Variants in REC114 observed in about 807,000 individuals in gnomAD.
The protein encoded by REC114 is meiotic recombination protein REC114.
In REC114, 27 loss-of-function variants were observed where a neutral mutation model predicts 31.3. That is an observed-to-expected ratio of 0.86 (90% CI 0.64 to 1.19). REC114 has a LOEUF of 1.19. Ranked by LOEUF, REC114 falls within the 50% of genes most tolerant of loss-of-function variation. The pLI is 0.00. For synonymous variants in REC114, 134 were observed against 127.7 expected (o/e 1.05, Z -0.33); for missense variants, 344 against 326.9 (o/e 1.05, Z -0.40).
chr15:73,554,678 C>G (rs1566950778), intron 4 of REC114, among the ~76,000 whole-genome samples: 1 of 152,134 alleles, frequency 6.6e-6, no homozygotes, highest in Admixed American at 6.5e-5. Context: ...CACAAAAAGT[C>G]CAGAAGAAAG....
chr15:73,488,783 C>T (rs1893407432), intron 2 of REC114, among the ~76,000 whole-genome samples: 1 of 152,226 alleles, frequency 6.6e-6, no homozygotes, highest in Non-Finnish European at 1.5e-5. Flanking sequence ...TCTAAGCCCT[C>T]ACCTGAATCA....
At chr15:73,491,465 T>A (rs1893445932) in intron 2 of REC114, among the ~76,000 whole-genome samples, 2 of 152,252 alleles carry the variant, frequency 1.3e-5, no homozygotes, top group South Asian at 4.1e-4. Flanking sequence ...AGAGCTTTTA[T>A]GAACATTTAT....
intron 2 of REC114, among the ~76,000 whole-genome samples, chr15:73,497,281 A>G (rs958544143): frequency 6.6e-6 from 1 of 152,154 alleles, no homozygotes; most frequent in Non-Finnish European, 1.5e-5. Flanking sequence ...CCAGATGGCA[A>G]TTTCCTATTT....
At chr15:73,457,065 C>CTTTTTTTTTTTTTTTTTTTTTTTTTTATT (rs934090597) in intron 1 of REC114, among the ~76,000 whole-genome samples, 1 of 68,014 alleles carries the variant, frequency 1.5e-5, no homozygotes, top group African/African-American at 5.8e-5. Flanking sequence ...TATTTCTGAG[C>CTTTTTTTTTTTTTTTTTTTTTTTTTTATT]TTTTTTTTTT....
chr15:73,469,321 G>A (rs1473789736), intron 1 of REC114, among the ~76,000 whole-genome samples: 2 of 152,088 alleles, frequency 1.3e-5, no homozygotes, highest in African/African-American at 4.8e-5. Context: ...TATCTTTCTT[G>A]ATTAATTGAC....
intron 3 of REC114, among the ~76,000 whole-genome samples, chr15:73,547,534 C>G (rs186982829): frequency 6.6e-6 from 1 of 152,310 alleles, no homozygotes; most frequent in East Asian, 1.9e-4. Context: ...TCCAGCAATA[C>G]TACTGCTGGA....
In REC114 at chr15:73,550,919, C is replaced by T. The variant is rs1326038864; in HGVS notation, c.334-19C>T. ...ATATGATGAGGGTCTCTCATGATAACTTTTGATTTGTCAAACAGGACAAGA... is the reference window on the plus strand; with the variant it reads ...ATATGATGAGGGTCTCTCATGATAATTTTTGATTTGTCAAACAGGACAAGA... On this transcript the variant is annotated intron_variant, in intron 3 of 5. Transcript: ENST00000331090. The T allele has an allele frequency of 8.7e-6, 14 of 1,612,098 alleles. No individual in the cohort carries two copies. The highest frequency in any genetic ancestry group is 1.1e-5 in the Non-Finnish European group (13 of 1,178,454).
chr15:73,501,530 C>T (rs141753872), intron 2 of REC114, among the ~76,000 whole-genome samples: 2,277 of 152,216 alleles, frequency 0.015, 28 homozygotes, highest in Non-Finnish European at 0.022. Context: ...CTGCAGCCTC[C>T]GCCTCCCAGG....
intron 2 of REC114, among the ~76,000 whole-genome samples, chr15:73,539,251 T>TA (rs1894205577): frequency 6.7e-6 from 1 of 148,774 alleles, no homozygotes; most frequent in Non-Finnish European, 1.5e-5. Flanking sequence ...AACCTATTGA[T>TA]AAAATGCTTA....
chr15:73,547,070 C>T (rs547605819), intron 3 of REC114, among the ~76,000 whole-genome samples: 1 of 152,168 alleles, frequency 6.6e-6, no homozygotes, highest in East Asian at 1.9e-4. Flanking sequence ...AAGGGGATCA[C>T]TTTAAGTTAA....
intron 2 of REC114, among the ~76,000 whole-genome samples, chr15:73,514,340 G>C (rs1041741929): frequency 9.2e-5 from 14 of 151,870 alleles, no homozygotes; most frequent in Non-Finnish European, 1.8e-4. Context: ...TGCGCCCACT[G>C]TCTGGCACTC....
chr15:73,443,897 A>G (rs1410438367), intron 1 of REC114, among the ~76,000 whole-genome samples: 2 of 152,208 alleles, frequency 1.3e-5, no homozygotes, highest in African/African-American at 4.8e-5. Context: ...ATAATAGTAC[A>G]GGCCCTCAGA....
chr15:73,499,122 G>A (rs1233636855), intron 2 of REC114, among the ~76,000 whole-genome samples: 1 of 151,982 alleles, frequency 6.6e-6, no homozygotes, highest in Admixed American at 6.6e-5. Context: ...ACAATGGCAA[G>A]CGCATTGGAC....
chr15:73,559,979 TAAAGA>T lies in REC114; in HGVS notation c.*65_*69del. ...ATTGAAAAATGCTTCCTCCTAAAAT[TAAAGA>T]AGATATTAGAATAAAGAGTATTATC... On this transcript the variant is annotated 3_prime_UTR_variant, in exon 6 of 6. Coordinates refer to ENST00000331090, the MANE Select transcript of REC114 (RefSeq NM_001042367.2). The T allele has an allele frequency of 7.1e-7, 1 of 1,403,436 alleles. No individual in the cohort carries two copies. The highest frequency in any genetic ancestry group is 9.6e-7 in the Non-Finnish European group (1 of 1,037,906). The allele number at this position is 1,403,436 out of a possible 1,614,324, so 86.9% of individuals were successfully genotyped here. A position where few individuals can be genotyped will look rare whatever the true frequency, so the allele number is the denominator to read the frequency against.
At chr15:73,491,118 C>T (rs540384326) in intron 2 of REC114, among the ~76,000 whole-genome samples, 1 of 79,134 alleles carries the variant, frequency 1.3e-5, no homozygotes, top group East Asian at 3.8e-4. Flanking sequence ...GGGCTATTTC[C>T]AGTTTGGGGA....
At chr15:73,458,098 G>A (rs1892941053) in intron 1 of REC114, among the ~76,000 whole-genome samples, 1 of 152,170 alleles carries the variant, frequency 6.6e-6, no homozygotes, top group Admixed American at 6.5e-5. Flanking sequence ...GATTCTATGA[G>A]TTGTAATCAG....
intron 2 of REC114, among the ~76,000 whole-genome samples, chr15:73,479,608 A>G (rs985620135): frequency 6.6e-6 from 1 of 152,080 alleles, no homozygotes; most frequent in Non-Finnish European, 1.5e-5. Context: ...GCCCACCCCT[A>G]GTAACCACTA....
At chr15:73,534,408 G>A (rs1894128151) in intron 2 of REC114, among the ~76,000 whole-genome samples, 1 of 152,140 alleles carries the variant, frequency 6.6e-6, no homozygotes, top group Non-Finnish European at 1.5e-5. Flanking sequence ...TCACCTCTAC[G>A]CAAATAAACT....
intron 2 of REC114, among the ~76,000 whole-genome samples, chr15:73,480,559 A>G (rs943330744): frequency 6.6e-6 from 1 of 152,194 alleles, no homozygotes; most frequent in Non-Finnish European, 1.5e-5. Context: ...CCTCCACAGA[A>G]AGCAACACGT....
Sources: gnomAD v4.1 joint callset for allele counts (sites outside exome capture counted in the v4.1 genomes callset) on GRCh38, gnomAD v4.1.1 for gene constraint, MANE v1.5 for transcripts, NCBI Gene and HGNC (gene_info 2026-07-23, HGNC 2026-07-21) for gene names.